Variants in FANCA observed in about 807,000 individuals in gnomAD.
FANCA encodes FA complementation group A.
Under a neutral mutation model 194.3 loss-of-function variants are expected in FANCA, and 236 were observed. The observed-to-expected ratio is 1.21, with a 90% CI of 1.09 to 1.35. The LOEUF is 1.35. FANCA is among the 40% of genes most tolerant of loss of function. FANCA has a pLI of 0.00. For synonymous variants in FANCA, 1,014 were observed against 715.8 expected (o/e 1.42, Z -6.65); for missense variants, 2,628 against 1,813.9 (o/e 1.45, Z -8.15).
chr16:89,773,176 AGCCTGAT>A, intron 22 of FANCA, 88 bp downstream of exon 22: 1 of 965,818 alleles, frequency 1.0e-6, no homozygotes, highest in Non-Finnish European at 1.6e-6. Context: ...AAGACACACC[AGCCTGAT>A]GTCACTATGG....
At position 89,763,435 on chromosome 16, in the gene FANCA, C is replaced by A. The variant is rs577757224; in HGVS notation, c.2779-1413G>T. ...TCAATCTCCTGACATCTCAGCCTCC[C>A]AAAGTGCTGGGATTATAGGCATGAG... On this transcript the variant is annotated intron_variant, in intron 28 of 42. Transcript: ENST00000389301. Among the ~76,000 whole-genome samples, 3 of 152,026 alleles carry A rather than the reference C, an allele frequency of 2.0e-5. No homozygotes were observed. The South Asian group carries it at 6.2e-4, about 32-fold the overall frequency.
At chr16:89,778,170 A>AAAAC (rs2039576134) in intron 20 of FANCA, among the ~76,000 whole-genome samples, 2 of 148,472 alleles carry the variant, frequency 1.3e-5, no homozygotes, top group Non-Finnish European at 3.0e-5. Context: ...TCAAAAAAAA[A>AAAAC]AAAAAAAAAA....
chr16:89,785,266 G>T lies in FANCA; in HGVS notation c.1360-302C>A, dbSNP rs553564529. Reference sequence around the variant, plus strand: ...AAGAGATATCTAAAAGTTATTCGAAGAAAAACAGTTAAAAATCATTAGCTA... The same window carrying T: ...AAGAGATATCTAAAAGTTATTCGAATAAAAACAGTTAAAAATCATTAGCTA... On this transcript the variant is annotated intron_variant, in intron 14 of 42. Coordinates refer to ENST00000389301, the MANE Select transcript of FANCA (RefSeq NM_000135.4). Among the ~76,000 whole-genome samples the T allele has an allele frequency of 5.3e-5, 8 of 152,350 alleles. No homozygotes were observed. In the East Asian group the frequency reaches 1.5e-3, roughly 29 times the overall value.
intron 17 of FANCA, among the ~76,000 whole-genome samples, chr16:89,781,570 A>G (rs1361930461): frequency 5.8e-5 from 8 of 138,640 alleles, no homozygotes; most frequent in Non-Finnish European, 1.2e-4. Context: ...GAGCTACTGG[A>G]GAGGCTGAGG....
intron 17 of FANCA, among the ~76,000 whole-genome samples, chr16:89,782,172 G>A (rs1006174317): frequency 2.6e-5 from 4 of 151,444 alleles, no homozygotes; most frequent in Non-Finnish European, 2.9e-5. Flanking sequence ...TCAAGAGATC[G>A]AGATCATCCT....
chr16:89,800,158 G>C (rs1009192431), intron 8 of FANCA, among the ~76,000 whole-genome samples: 4 of 152,216 alleles, frequency 2.6e-5, no homozygotes, highest in African/African-American at 9.6e-5. Flanking sequence ...CATGAGCCTA[G>C]GGCTGGGCAG....
At position 89,796,003 on chromosome 16, in the gene FANCA, A is replaced by G. The variant is rs2143558882; in HGVS notation, c.909T>C (p.Ser303=). 2 of 1,614,034 alleles carry G rather than the reference A, an allele frequency of 1.2e-6. No homozygotes were observed. Among genetic ancestry groups the G allele is most frequent in the Middle Eastern group, 1.7e-4 (1 of 6,060 alleles). The change falls in exon 11 of 43, where the codon AGT becomes AGC. Residue 303 remains serine (S), a synonymous_variant. Transcript: ENST00000389301. ...KIVRCWFGVF[S]GHTLGSVIST... ...AAATTACACTGCCAAGCGTGTGTCC[A>G]CTGAACACTCCGAACCTGCCAATGC...
intron 39 of FANCA, 185 bp downstream of exon 39, chr16:89,739,809 G>C: frequency 6.8e-7 from 1 of 1,465,114 alleles, no homozygotes; most frequent in Non-Finnish European, 9.0e-7. Context: ...TCCTGGGGTT[G>C]ACCAGTGAGC....
chr16:89,765,424 C>G (rs927884731), intron 27 of FANCA, among the ~76,000 whole-genome samples: 3 of 152,250 alleles, frequency 2.0e-5, no homozygotes, highest in Non-Finnish European at 4.4e-5. Flanking sequence ...GGTGCAGAGC[C>G]CCTCAGCGAT....
intron 16 of FANCA, 38 bp downstream of exon 16, chr16:89,782,969 G>C: frequency 6.2e-7 from 1 of 1,611,934 alleles, no homozygotes; most frequent in East Asian, 2.2e-5. Flanking sequence ...GTTTCTGCTG[G>C]GACAGGTGTG....
At position 89,762,029 on chromosome 16, in the gene FANCA, A is replaced by G. The variant is rs17233253; in HGVS notation, c.2779-7T>C. 122,806 of 1,608,136 alleles carry G rather than the reference A, an allele frequency of 0.076. 5,674 individuals are homozygous for G. Among genetic ancestry groups the G allele is most frequent in the East Asian group, 0.17 (7,565 of 44,818 alleles). The stretch of plus-strand genomic sequence containing the variant: ...ACCAGTCTTGGTAAGTTAACTGAGA[A>G]AGAGAGCAAGCAATTCAATACAATG... On this transcript the variant is annotated splice_polypyrimidine_tract_variant and splice_region_variant and intron_variant, in intron 28 of 42. Transcript: ENST00000389301.
intron 22 of FANCA, among the ~76,000 whole-genome samples, chr16:89,772,029 C>T (rs1464382754): frequency 6.6e-6 from 1 of 152,198 alleles, no homozygotes; most frequent in Non-Finnish European, 1.5e-5. Flanking sequence ...GGCCAGACGC[C>T]ATCCACTACC....
At position 89,805,405 on chromosome 16, in the gene FANCA, A is replaced by C. The variant is rs572176378; in HGVS notation, c.597-13T>G. On this transcript the variant is annotated splice_polypyrimidine_tract_variant and intron_variant, in intron 6 of 42. Transcript: ENST00000389301. ...CATGTCGGGATGGCTGGAGACACAC[A>C]CAGAGGCAGACGTAAGGCTCAACTA... 27 of 1,593,362 alleles carry C rather than the reference A, an allele frequency of 1.7e-5. No individual in the cohort carries two copies. In the South Asian group the frequency reaches 2.1e-4, roughly 12 times the overall value.
intron 36 of FANCA, among the ~76,000 whole-genome samples, chr16:89,743,955 T>C (rs2062189582): frequency 6.6e-6 from 1 of 151,714 alleles, no homozygotes; most frequent in Non-Finnish European, 1.5e-5. Flanking sequence ...TGGACTACAA[T>C]GGCATGATCT....
intron 6 of FANCA, among the ~76,000 whole-genome samples, chr16:89,806,784 A>C (rs1054759059): frequency 2.0e-5 from 3 of 152,156 alleles, no homozygotes; most frequent in African/African-American, 7.2e-5. Context: ...CTGATTTCGC[A>C]ATCTTTTCCC....
At chr16:89,781,386 A>C (rs1346812746) in intron 17 of FANCA, among the ~76,000 whole-genome samples, 7 of 139,572 alleles carry the variant, frequency 5.0e-5, no homozygotes, top group Non-Finnish European at 7.7e-5. Flanking sequence ...AAAAAAAAAA[A>C]CAATACGCTG....
At chr16:89,776,258 C>T (rs1252419083) in intron 20 of FANCA, among the ~76,000 whole-genome samples, 1 of 148,782 alleles carries the variant, frequency 6.7e-6, no homozygotes, top group Non-Finnish European at 1.5e-5. Flanking sequence ...ACCTCCGCCT[C>T]CCAGGTTCAA....
intron 12 of FANCA, 57 bp downstream of exon 12, chr16:89,792,414 A>C: frequency 1.3e-6 from 2 of 1,534,850 alleles, no homozygotes; most frequent in Non-Finnish European, 1.8e-6. Context: ...AGTACTAGGC[A>C]GATCTTAATC....
intron 9 of FANCA, 30 bp downstream of exon 9, chr16:89,799,575 A>G: frequency 1.2e-6 from 2 of 1,604,836 alleles, no homozygotes; most frequent in Non-Finnish European, 1.7e-6. Flanking sequence ...TAAGTCATTT[A>G]CAGTCTGGGC....
Sources: gnomAD v4.1 joint callset for allele counts (sites outside exome capture counted in the v4.1 genomes callset) on GRCh38, gnomAD v4.1.1 for gene constraint, MANE v1.5 for transcripts, NCBI Gene and HGNC (gene_info 2026-07-23, HGNC 2026-07-21) for gene names.